The following MRC2 variants were observed in gnomAD, a reference collection of about 807,000 sequenced individuals.
MRC2 encodes C-type mannose receptor 2.
A neutral mutation model predicts 206.2 loss-of-function variants in MRC2; 84 were observed. The observed-to-expected ratio is 0.41, with a 90% CI of 0.34 to 0.49. MRC2 has a LOEUF of 0.49. Among genes scored for constraint, MRC2 ranks in the 20% least tolerant of loss-of-function variants. The pLI is 0.31. For synonymous variants in MRC2, 798 were observed against 800.0 expected, an observed-to-expected ratio of 1.00 and a Z score of 0.04; for missense variants, 1,676 against 2,001.5, an observed-to-expected ratio of 0.84 and a Z score of 3.10.
intron 20 of MRC2, among the ~76,000 whole-genome samples, chr17:62,685,100 C>T (rs577192574): frequency 2.2e-4 from 34 of 152,172 alleles, no homozygotes; most frequent in African/African-American, 8.2e-4. Context: ...TGAGATCGAG[C>T]CACTGCACTC....
intron 8 of MRC2, among the ~76,000 whole-genome samples, chr17:62,673,008 A>G (rs970894160): frequency 1.1e-4 from 16 of 151,144 alleles, no homozygotes; most frequent in Admixed American, 2.0e-4. Flanking sequence ...AAAAAAATAA[A>G]ATAAAAAGGA....
intron 23 of MRC2, 50 bp downstream of exon 23, chr17:62,689,010 G>A (rs1395946985): frequency 7.0e-7 from 1 of 1,437,198 alleles, no homozygotes. Flanking sequence ...CTGGCACCGG[G>A]CTGGATGCTG....
Position 62,666,869 on chromosome 17 carries a change from T to C in MRC2, c.972T>C (p.Ser324=). The change falls in exon 5 of 30, where the codon AGT becomes AGC. Residue 324 remains serine (S), a splice_region_variant and synonymous_variant. Coordinates refer to ENST00000303375, the MANE Select transcript of MRC2 (RefSeq NM_006039.5). This position sits in a 1 kb window ranked among gnomAD's most constrained non-coding sequence, Gnocchi z 5.0. ...CCCTCAAGTACCTCAACTGGGAGAG[T>C]GGTGAGGCACAAGGTTGGGGGCGCA... The part of the protein sequence containing the change: ...NSPLKYLNWE[S]DQPDNPSEEN... 6.2e-7 allele frequency: 1 copy of C among 1,611,012 alleles called. No homozygotes were observed. Among genetic ancestry groups the C allele is most frequent in the South Asian group, 1.1e-5 (1 of 90,934 alleles).
At chr17:62,670,778 C>T (rs1939160139) in intron 6 of MRC2, among the ~76,000 whole-genome samples, 1 of 152,126 alleles carries the variant, frequency 6.6e-6, no homozygotes, top group Non-Finnish European at 1.5e-5. Flanking sequence ...CTTTGAGCAC[C>T]TCCTAATGTT....
intron 1 of MRC2, among the ~76,000 whole-genome samples, chr17:62,659,704 G>C (rs558930249): frequency 6.6e-5 from 10 of 152,324 alleles, no homozygotes; most frequent in African/African-American, 2.4e-4. Context: ...CCTGCCCAGA[G>C]AGGAACCCCA....
intron 1 of MRC2, among the ~76,000 whole-genome samples, chr17:62,632,424 ACTC>A (rs1184935698): frequency 2.0e-5 from 3 of 149,378 alleles, no homozygotes; most frequent in Admixed American, 6.7e-5. Context: ...TCAGCCTCCC[ACTC>A]CTCCTGATTT....
chr17:62,686,995 T>A (rs2089040059), intron 20 of MRC2, among the ~76,000 whole-genome samples: 1 of 152,190 alleles, frequency 6.6e-6, no homozygotes, highest in South Asian at 2.1e-4. Context: ...CTGTGTCATG[T>A]ACTGTTATCT....
intron 6 of MRC2, among the ~76,000 whole-genome samples, chr17:62,670,481 G>A (rs1438404270): frequency 1.3e-5 from 2 of 152,252 alleles, no homozygotes; most frequent in Non-Finnish European, 2.9e-5. Flanking sequence ...GTCTGAGGCC[G>A]TGTTCTAGTG....
intron 1 of MRC2, among the ~76,000 whole-genome samples, chr17:62,632,759 T>C (rs1314428296): frequency 1.3e-5 from 2 of 152,196 alleles, no homozygotes; most frequent in African/African-American, 4.8e-5. Context: ...TGGTGACAAA[T>C]CCCAGATTGG....
In MRC2 at chr17:62,680,770, G is replaced by A; in HGVS notation, c.2474-30G>A. On this transcript the variant is annotated intron_variant, in intron 16 of 29. Coordinates refer to ENST00000303375, the MANE Select transcript of MRC2 (RefSeq NM_006039.5). This position sits in a 1 kb window ranked among gnomAD's most constrained non-coding sequence, Gnocchi z 4.8. ...CCTGGCGTGCAGCCTCTGCCTGGCC[G>A]CCGCTCCCACGCCCGCGCTGCTCCT... is the stretch of plus-strand genomic sequence containing the variant. 1.3e-6 allele frequency: 2 copies of A among 1,544,054 alleles called. No individual in the cohort carries two copies. Among genetic ancestry groups the A allele is most frequent in the African/African-American group, 1.4e-5 (1 of 72,344 alleles).
chr17:62,679,709 G>A (rs1489279532), intron 13 of MRC2, 91 bp from the exon 14 acceptor site: 2 of 1,251,232 alleles, frequency 1.6e-6, no homozygotes, highest in East Asian at 2.5e-5. Context: ...GGGCTGCCCC[G>A]GTCACAGCTG....
At chr17:62,677,143 T>C in intron 11 of MRC2, 126 bp from the exon 12 acceptor site, 1 of 715,950 alleles carries the variant, frequency 1.4e-6, no homozygotes, top group Non-Finnish European at 2.3e-6. Context: ...CCAGAGAGCA[T>C]GTCTCTGAAG....
intron 1 of MRC2, among the ~76,000 whole-genome samples, chr17:62,660,089 C>G (rs1033341400): frequency 3.3e-5 from 5 of 152,022 alleles, no homozygotes; most frequent in Admixed American, 1.3e-4. Flanking sequence ...TGCTTTTAGA[C>G]TAAGGGAAAA....
Position 62,664,425 on chromosome 17 carries a change from C to A in MRC2, c.119-123C>A. On this transcript the variant is annotated intron_variant, in intron 1 of 29. Coordinates refer to ENST00000303375, the MANE Select transcript of MRC2 (RefSeq NM_006039.5). The surrounding 1 kb of genome is among the most constrained non-coding windows in gnomAD (Gnocchi z 4.7). Reference sequence around the variant, plus strand: ...TGGTAGTGAGTACCGAGTGATTTAACGTATGAGTGACGGCTCACCATCCTG... The same window carrying A: ...TGGTAGTGAGTACCGAGTGATTTAAAGTATGAGTGACGGCTCACCATCCTG... 1 of 1,103,736 alleles carries A rather than the reference C, an allele frequency of 9.1e-7. No individual in the cohort carries two copies. The highest frequency in any genetic ancestry group is 1.3e-6 in the Non-Finnish European group (1 of 767,210). 68.4% of individuals were successfully genotyped at this position (1,103,736 alleles called of 1,614,324 possible).
intron 13 of MRC2, among the ~76,000 whole-genome samples, chr17:62,679,011 T>C (rs890962464): frequency 2.6e-5 from 4 of 151,948 alleles, no homozygotes; most frequent in South Asian, 2.1e-4. Flanking sequence ...CCTTACACCA[T>C]CCTACAATGA....
intron 2 of MRC2, among the ~76,000 whole-genome samples, chr17:62,665,401 TC>T (rs11297640): frequency 0.6 from 78,875 of 130,542 alleles, 22,403 homozygotes; most frequent in Middle Eastern, 0.68. Context: ...CAAGACTCTG[TC>T]CCCCCCCCCA....
rs371405691 is a variant in MRC2, at chr17:62,682,087, A to G, written c.2804-148A>G. 379 of 1,097,536 alleles carry G rather than the reference A, an allele frequency of 3.5e-4. 2 individuals carry two copies. The African/African-American group carries it at 4.2e-3, about 12-fold the overall frequency. 68.0% of individuals were successfully genotyped at this position (1,097,536 alleles called of 1,614,324 possible). A position where few individuals can be genotyped will look rare whatever the true frequency, so the allele number is the denominator to read the frequency against. Reference sequence around the variant, plus strand: ...CTCAGCGAGGGGTGGACCTGTCTCCATGGTCCAGAAGACTTGAATTCGGAG... The same window carrying G: ...CTCAGCGAGGGGTGGACCTGTCTCCGTGGTCCAGAAGACTTGAATTCGGAG... On this transcript the variant is annotated intron_variant, in intron 19 of 29. Transcript: ENST00000303375.
In MRC2 at chr17:62,680,803, G is replaced by A. The variant is rs555402959; in HGVS notation, c.2477G>A (p.Arg826Gln). ...CACGCCCGCGCTGCTCCTGCAGGCCGACGGGAATGGCTGCGCTTCCAGGAG... is the reference window on the plus strand; with the variant it reads ...CACGCCCGCGCTGCTCCTGCAGGCCAACGGGAATGGCTGCGCTTCCAGGAG... ...VREPDDSPQG[R>Q]REWLRFQEAE... The change falls in exon 17 of 30, where the codon CGA (arginine) becomes CAA (glutamine). Residue 826 changes from arginine to glutamine, a missense_variant. Transcript: ENST00000303375. This position sits in a 1 kb window ranked among gnomAD's most constrained non-coding sequence, Gnocchi z 4.8. The A allele has an allele frequency of 2.2e-4, 361 of 1,609,330 alleles. 1 individual carries two copies. The highest frequency in any genetic ancestry group is 2.0e-3 in the Admixed American group (117 of 59,722).
chr17:62,637,547 AAAAG>A (rs2088339762), intron 1 of MRC2, among the ~76,000 whole-genome samples: 2 of 151,450 alleles, frequency 1.3e-5, no homozygotes, highest in South Asian at 4.2e-4. Context: ...AAAAAAAAAA[AAAAG>A]AAAAGAAAAA....
Sources: allele counts gnomAD v4.1 joint callset (sites outside exome capture counted in the v4.1 genomes callset), GRCh38; gene constraint gnomAD v4.1.1; non-coding constraint Gnocchi (gnomAD v3.1); transcripts MANE v1.5; gene names NCBI Gene and HGNC (gene_info 2026-07-23, HGNC 2026-07-21).